Variants in MED13 observed in about 807,000 individuals in gnomAD.
MED13 encodes the protein mediator of RNA polymerase II transcription subunit 13.
In MED13, 23 loss-of-function variants were observed where a neutral mutation model predicts 225.2. The observed-to-expected ratio is 0.10, with a 90% CI of 0.07 to 0.14. MED13 has a LOEUF of 0.14. Ranked by LOEUF, MED13 falls within the 10% of genes least tolerant of loss-of-function variation. MED13 has a pLI of 1.00. For missense variants in MED13, 2,197 were observed against 2,594.5 expected, an observed-to-expected ratio of 0.85 and a Z score of 3.33; for synonymous variants, 942 against 889.2, an observed-to-expected ratio of 1.06 and a Z score of -1.06.
At chr17:62,035,004 C>T (rs957687488) in intron 4 of MED13, among the ~76,000 whole-genome samples, 1 of 151,928 alleles carries the variant, frequency 6.6e-6, no homozygotes, top group Admixed American at 6.6e-5. Context: ...GCCTGTAACC[C>T]CAGCTACTCA....
intron 2 of MED13, among the ~76,000 whole-genome samples, chr17:62,055,103 G>A (rs548934124): frequency 6.9e-4 from 105 of 152,064 alleles, no homozygotes; most frequent in Non-Finnish European, 1.4e-3. Context: ...CCTGCTATCC[G>A]GGAGGCTGAG....
At position 61,963,511 on chromosome 17, in the gene MED13, G is replaced by A. The variant is rs1212916726; in HGVS notation, c.4845-540C>T. On this transcript the variant is annotated intron_variant, in intron 20 of 29. Transcript: ENST00000397786. ...TTTGAGATGGGAGTCTCACTATGTTGACCAGGTTGGTCTTGAACTCTTGGT... is the reference window on the plus strand; with the variant it reads ...TTTGAGATGGGAGTCTCACTATGTTAACCAGGTTGGTCTTGAACTCTTGGT... 2.0e-5 allele frequency among the ~76,000 whole-genome samples: 3 copies of A among 151,698 alleles called. No individual in the cohort carries two copies. In the East Asian group the frequency reaches 5.8e-4, roughly 29 times the overall value.
intron 15 of MED13, among the ~76,000 whole-genome samples, 183 bp downstream of exon 15, chr17:61,983,988 A>C (rs967474095): frequency 6.6e-6 from 1 of 152,192 alleles, no homozygotes; most frequent in African/African-American, 2.4e-5. Flanking sequence ...TTGGCCTCCC[A>C]AAGTATGGGA....
Position 62,014,658 on chromosome 17 carries a change from T to C in MED13, c.1284-3425A>G, listed in dbSNP as rs73336406. Among the ~76,000 whole-genome samples the C allele has an allele frequency of 5.8e-3, 880 of 152,126 alleles. 8 individuals are homozygous for C. The highest frequency in any genetic ancestry group is 0.02 in the African/African-American group (831 of 41,490). On this transcript the variant is annotated intron_variant, in intron 8 of 29. Coordinates refer to ENST00000397786, the MANE Select transcript of MED13 (RefSeq NM_005121.3). ...GTACTTGAATTGTGGCTAGTCCAATTGAGGAACTAATTTTTTAAGAGACAA... is the reference window on the plus strand; with the variant it reads ...GTACTTGAATTGTGGCTAGTCCAATCGAGGAACTAATTTTTTAAGAGACAA...
At chr17:61,993,704 C>A (rs904246484) in intron 10 of MED13, among the ~76,000 whole-genome samples, 1 of 151,522 alleles carries the variant, frequency 6.6e-6, no homozygotes, top group African/African-American at 2.4e-5. Flanking sequence ...CCGAGGCGGG[C>A]GGATCACTTG....
Position 61,992,264 on chromosome 17 carries a change from G to A in MED13, c.2263+276C>T, listed in dbSNP as rs143122132. Among the ~76,000 whole-genome samples, 8 of 152,256 alleles carry A rather than the reference G, an allele frequency of 5.3e-5. No homozygotes were observed. In the East Asian group the frequency reaches 1.3e-3, roughly 26 times the overall value. On this transcript the variant is annotated intron_variant, in intron 11 of 29. Coordinates refer to ENST00000397786, the MANE Select transcript of MED13 (RefSeq NM_005121.3). The stretch of plus-strand genomic sequence containing the variant: ...CACGTAATTCCCAGTAGAAGGGGGT[G>A]AGAAATCTATTACATAAAACTGAGT...
intron 8 of MED13, among the ~76,000 whole-genome samples, chr17:62,024,294 A>C (rs961820435): frequency 6.6e-6 from 1 of 152,230 alleles, no homozygotes; most frequent in African/African-American, 2.4e-5. Flanking sequence ...CTGGGATTAC[A>C]GGCATAAGCC....
At chr17:61,961,218 TTA>T in intron 22 of MED13, 128 bp from the exon 23 acceptor site, 1 of 859,174 alleles carries the variant, frequency 1.2e-6, no homozygotes, top group South Asian at 1.8e-5. Context: ...AAAATTGCAC[TTA>T]GTTTTGCATA....
intron 9 of MED13, chr17:62,006,918 C>G (rs185560543): frequency 1.2e-4 from 18 of 151,266 alleles, no homozygotes; most frequent in Admixed American, 8.6e-4. Context: ...CAGAATGAGA[C>G]TCCATCTCAA....
intron 3 of MED13, among the ~76,000 whole-genome samples, chr17:62,044,796 G>A (rs1192813991): frequency 1.3e-5 from 2 of 152,140 alleles, no homozygotes; most frequent in African/African-American, 4.8e-5. Flanking sequence ...CAAGTAGCTG[G>A]AATTACAGGC....
Position 61,953,038 on chromosome 17 carries a change from A to G in MED13, c.6044T>C (p.Leu2015Pro). 6.2e-7 allele frequency: 1 copy of G among 1,613,962 alleles called. No homozygotes were observed. The highest frequency in any genetic ancestry group is 8.5e-7 in the Non-Finnish European group (1 of 1,179,796). The stretch of plus-strand genomic sequence containing the variant: ...AGGAGAACCAGTTGGAGAAGCAGGA[A>G]GGATATTAATGATATCAGGGTCAAG... ...DDLDPDIINI[L>P]PASPTGSPVH... The change falls in exon 27 of 30, where the codon CTT becomes CCT. Residue 2015 changes from leucine to proline, a missense_variant. Leu to Pro is a moderately conservative substitution (Grantham distance 98). This residue lies in a region of MED13 where 216 missense variants were observed against 388.9 expected (regional missense o/e 0.56). Coordinates refer to ENST00000397786, the MANE Select transcript of MED13 (RefSeq NM_005121.3).
intron 3 of MED13, among the ~76,000 whole-genome samples, chr17:62,039,307 G>A (rs1417315865): frequency 6.6e-6 from 1 of 152,160 alleles, no homozygotes; most frequent in Non-Finnish European, 1.5e-5. Flanking sequence ...TGTGATACAA[G>A]TTTCTTGCTC....
At chr17:61,970,397 G>A (rs2080096476) in intron 17 of MED13, among the ~76,000 whole-genome samples, 1 of 152,006 alleles carries the variant, frequency 6.6e-6, no homozygotes, top group Non-Finnish European at 1.5e-5. Flanking sequence ...TGATATTACA[G>A]GGGCTGGGCA....
intron 8 of MED13, among the ~76,000 whole-genome samples, chr17:62,015,944 ATATATATATATTTTTTTTTTTTTTT>A (rs1344267245): frequency 6.3e-4 from 8 of 12,714 alleles, no homozygotes; most frequent in South Asian, 7.2e-3. Context: ...ATATATATAT[ATATATATATATTTTTTTTTTTTTTT>A]TTTTTTTTTT....
Position 62,049,078 on chromosome 17 carries a change from C to CAAAAAAAAAAAAAAA in MED13, c.470+3444_470+3458dup, listed in dbSNP as rs890393330. ...GGCACCACCATAACAGTAAATAAGA[C>CAAAAAAAAAAAAAAA]AAAAAAAAAAAAAAAAAGGAGAAAT... On this transcript the variant is annotated intron_variant, in intron 3 of 29. Transcript: ENST00000397786. 4.2e-3 allele frequency among the ~76,000 whole-genome samples: 192 copies of CAAAAAAAAAAAAAAA among 45,200 alleles called. 10 individuals are homozygous for CAAAAAAAAAAAAAAA. The highest frequency in any genetic ancestry group is 0.014 in the African/African-American group (159 of 11,432). The allele number at this position is 45,200 out of a possible 152,430, so 29.7% of individuals were successfully genotyped here.
chr17:61,961,679 C>T lies in MED13; in HGVS notation c.5165G>A (p.Cys1722Tyr), dbSNP rs1302776081. The T allele has an allele frequency of 6.2e-7, 1 of 1,613,998 alleles. No individual in the cohort carries two copies. Among genetic ancestry groups the T allele is most frequent in the Non-Finnish European group, 8.5e-7 (1 of 1,180,036 alleles). ...KSLAFSAFTQ[C>Y]RRPLPTSTNV... ...GGTTGATGTTGGAAGTGGCCTCCGA[C>T]ACTGGGTAAAGGCCGAAAAAGCCAG... Residue 1722 changes from cysteine to tyrosine, a missense_variant, in exon 22 of 30, where the codon TGT becomes TAT. Physicochemically the swap from Cys to Tyr is radical, Grantham distance 194 (BLOSUM62 -2). Coordinates refer to ENST00000397786, the MANE Select transcript of MED13 (RefSeq NM_005121.3).
At chr17:62,002,932 T>C (rs556693601) in intron 9 of MED13, among the ~76,000 whole-genome samples, 67 of 152,334 alleles carry the variant, frequency 4.4e-4, no homozygotes, top group African/African-American at 1.5e-3. Context: ...AATTTTTTGT[T>C]ATGGGAGATT....
rs974863334 is a variant in MED13, at chr17:61,962,616, G to A, written c.5064+136C>T. 21 of 623,766 alleles carry A rather than the reference G, an allele frequency of 3.4e-5. No individual in the cohort carries two copies. The South Asian group carries it at 4.9e-4, about 15-fold the overall frequency. The allele number at this position is 623,766 out of a possible 1,614,324, so 38.6% of individuals were successfully genotyped here. On this transcript the variant is annotated intron_variant, in intron 21 of 29. Coordinates refer to ENST00000397786, the MANE Select transcript of MED13 (RefSeq NM_005121.3). ...ATAAATTCTCTAAGATTTATATTATGATATTAAAGTAAAATCAATATAATA... is the reference window on the plus strand; with the variant it reads ...ATAAATTCTCTAAGATTTATATTATAATATTAAAGTAAAATCAATATAATA...
At chr17:62,035,666 T>C in intron 3 of MED13, 58 bp from the exon 4 acceptor site, 3 of 1,512,692 alleles carry the variant, frequency 2.0e-6, no homozygotes, top group Non-Finnish European at 2.7e-6. Context: ...AATGTTAACT[T>C]GCTTTTCTTT....
Sources: gnomAD v4.1 joint callset for allele counts (sites outside exome capture counted in the v4.1 genomes callset) on GRCh38, gnomAD v4.1.1 for gene constraint, gnomAD v4.1.1 regional missense constraint, MANE v1.5 for transcripts, NCBI Gene and HGNC (gene_info 2026-07-23, HGNC 2026-07-21) for gene names.